OR5AR1: variants seen among roughly 807,000 people sequenced by gnomAD.
The protein encoded by OR5AR1 is olfactory receptor family 5 subfamily AR member 1.
Under a neutral mutation model 12.3 loss-of-function variants are expected in OR5AR1, and 19 were observed. The observed-to-expected ratio is 1.55, with a 90% CI of 1.08 to 2.27. OR5AR1 has a LOEUF of 2.27. OR5AR1 is among the 30% of genes most tolerant of loss of function. OR5AR1 has a pLI of 0.00. For synonymous variants in OR5AR1, 156 were observed against 138.8 expected (o/e 1.12, Z -0.87); for missense variants, 432 against 378.4 (o/e 1.14, Z -1.18).
rs371019076 is a variant in OR5AR1 at position 56,664,115 on chromosome 11, C to T, written c.430C>T (p.Leu144Phe). ...CATGTCCAAGCAGGTCTGCTTGGCT[C>T]TCATGCTGGGCTCTTACCTGGCTGG... ...TFMSKQVCLA[L>F]MLGSYLAGLV... Residue 144 changes from leucine (L) to phenylalanine (F), a missense_variant, in exon 1 of 1, where the codon CTC (leucine) becomes TTC (phenylalanine). Physicochemically the swap from Leu to Phe is conservative, Grantham distance 22 (BLOSUM62 0). Transcript: ENST00000624596. The T allele has an allele frequency of 4.6e-5, 74 of 1,613,908 alleles. No homozygotes were observed. The highest frequency in any genetic ancestry group is 6.3e-5 in the Non-Finnish European group (74 of 1,180,004).
In OR5AR1 at chr11:56,663,761, ATCT is replaced by A. The variant is rs1344207805; in HGVS notation, c.82_84del (p.Phe28del). On this transcript the variant is annotated inframe_deletion, in exon 1 of 1. Coordinates refer to ENST00000624596, the MANE Select transcript of OR5AR1 (RefSeq NM_001004730.1). ...CACCCAGGACCCTCAGATGGAGATC[ATCT>A]TCTTCGTGGTCTTCCTCATAGTTTA... The A allele has an allele frequency of 1.2e-6, 2 of 1,613,602 alleles. No homozygotes were observed. The highest frequency in any genetic ancestry group is 1.3e-5 in the African/African-American group (1 of 74,918).
In OR5AR1 at chr11:56,664,388, C is replaced by T; in HGVS notation, c.703C>T (p.Leu235Phe). The change falls in exon 1 of 1, where the codon CTT (leucine) becomes TTT (phenylalanine). Residue 235 changes from leucine (L) to phenylalanine (F), a missense_variant. Transcript: ENST00000624596. ...IIRMRSAEGR[L>F]KAFSTCGSHL... is the part of the protein sequence containing the mutation. Reference sequence around the variant, plus strand: ...CAGAATGCGTTCAGCTGAAGGCCGCCTTAAGGCTTTCTCCACCTGCGGGTC... The same window carrying T: ...CAGAATGCGTTCAGCTGAAGGCCGCTTTAAGGCTTTCTCCACCTGCGGGTC... 6.2e-7 allele frequency: 1 copy of T among 1,614,086 alleles called. No individual in the cohort carries two copies. The highest frequency in any genetic ancestry group is 8.5e-7 in the Non-Finnish European group (1 of 1,180,016).
In OR5AR1 at chr11:56,663,695, G is replaced by T. The variant is rs544065291; in HGVS notation, c.10G>T (p.Glu4Ter). The change falls in exon 1 of 1, where the codon GAA becomes TAA. Residue 4 changes from glutamate to a stop codon, truncating the protein, a stop_gained. Transcript: ENST00000624596. LOFTEE classifies it high-confidence loss of function. MDK[E>*]NSSMVTEFIF... ...ACATACACTTGAAGCAATGGATAAA[G>T]AAAACAGCTCAATGGTGACTGAGTT... is the stretch of plus-strand genomic sequence containing the variant. 8.1e-6 allele frequency: 13 copies of T among 1,604,266 alleles called. No homozygotes were observed. In the South Asian group the frequency reaches 1.3e-4, roughly 17 times the overall value.
At position 56,663,990 on chromosome 11, in the gene OR5AR1, CT is replaced by C. The variant is rs748780736; in HGVS notation, c.312del (p.Phe104LeufsTer2). The C allele has an allele frequency of 1.2e-6, 2 of 1,613,850 alleles. No homozygotes were observed. The highest frequency in any genetic ancestry group is 8.5e-7 in the Non-Finnish European group (1 of 1,179,984). On this transcript the variant is annotated frameshift_variant, in exon 1 of 1. Transcript: ENST00000624596. LOFTEE classifies it high-confidence loss of function. ...TTCTCCAGCTGTGCCACCCAGTTTG[CT>C]TTTTTTGTAGGTTTTGTGGATGCTG... ...ISFSSCATQFAFFVGFVDAEC... is the reference protein window; with the variant it reads ...ISFSSCATQFXFFVGFVDAEC...
chr11:56,664,115 C>G lies in OR5AR1; in HGVS notation c.430C>G (p.Leu144Val), dbSNP rs371019076. The G allele has an allele frequency of 9.3e-6, 15 of 1,613,908 alleles. No homozygotes were observed. The highest frequency in any genetic ancestry group is 1.6e-4 in the Middle Eastern group (1 of 6,084). The change falls in exon 1 of 1, where the codon CTC (leucine) becomes GTC (valine). Residue 144 changes from leucine (L) to valine (V), a missense_variant. By Grantham distance (32) the Leu-to-Val change is conservative. Transcript: ENST00000624596. ...TFMSKQVCLA[L>V]MLGSYLAGLV... The stretch of plus-strand genomic sequence containing the variant: ...CATGTCCAAGCAGGTCTGCTTGGCT[C>G]TCATGCTGGGCTCTTACCTGGCTGG...
chr11:56,664,254 C>G lies in OR5AR1; in HGVS notation c.569C>G (p.Ser190Ter). The change falls in exon 1 of 1, where the codon TCA becomes TGA. Residue 190 changes from serine (S) to a stop codon, truncating the protein, a stop_gained. Coordinates refer to ENST00000624596, the MANE Select transcript of OR5AR1 (RefSeq NM_001004730.1). LOFTEE classifies it high-confidence loss of function. ...EIPPLLALSC[S>*]DTYISEILLF... ...CCACCACTCTTGGCCCTCTCTTGCT[C>G]AGACACCTACATCAGTGAGATCTTG... The G allele has an allele frequency of 6.2e-7, 1 of 1,614,090 alleles. No individual in the cohort carries two copies. The highest frequency in any genetic ancestry group is 1.1e-5 in the South Asian group (1 of 91,074).
chr11:56,664,068 G>T lies in OR5AR1; in HGVS notation c.383G>T (p.Arg128Leu), dbSNP rs1056426910. ...TATGGTCGTTTTGTGGCCATTTGTC[G>T]ACCCCTCCACTATAGCACCTTCATG... is the stretch of plus-strand genomic sequence containing the variant. ...MAYGRFVAIC[R>L]PLHYSTFMSK... is the part of the protein sequence containing the mutation. Residue 128 changes from arginine (R) to leucine (L), a missense_variant, in exon 1 of 1, where the codon CGA (arginine) becomes CTA (leucine). Physicochemically the swap from Arg to Leu is moderately radical, Grantham distance 102 (BLOSUM62 -2). Transcript: ENST00000624596. 6.2e-7 allele frequency: 1 copy of T among 1,613,660 alleles called. No homozygotes were observed. Among genetic ancestry groups the T allele is most frequent in the Non-Finnish European group, 8.5e-7 (1 of 1,179,970 alleles).
chr11:56,663,886 C>G lies in OR5AR1; in HGVS notation c.201C>G (p.Ser67=), dbSNP rs778251587. The change falls in exon 1 of 1, where the codon TCC becomes TCG. Residue 67 remains serine, a synonymous_variant. Transcript: ENST00000624596. ...TGTATTTTTTCCTCTGCAACCTCTC[C>G]TTTGTTGACCTGGGCTACTCCTCAG... ...TPMYFFLCNL[S]FVDLGYSSAI... 24 of 1,614,068 alleles carry G rather than the reference C, an allele frequency of 1.5e-5. 1 individual carries two copies. In the Middle Eastern group the frequency reaches 6.6e-4, roughly 44 times the overall value.
chr11:56,664,503 G>A lies in OR5AR1; in HGVS notation c.818G>A (p.Trp273Ter), dbSNP rs780414962. Residue 273 changes from tryptophan (W) to a stop codon, truncating the protein, a stop_gained, in exon 1 of 1, where the codon TGG (tryptophan) becomes TAG (stop). Transcript: ENST00000624596. LOFTEE classifies it high-confidence loss of function. ...AGCTACTCCCTGGACCAAGACAAGT[G>A]GGCCTCTGTGTTCTACACGGTTATC... is the stretch of plus-strand genomic sequence containing the variant. ...TSSYSLDQDK[W>*]ASVFYTVIIP... 6.2e-7 allele frequency: 1 copy of A among 1,613,804 alleles called. No individual in the cohort carries two copies.
rs201920623 is a variant in OR5AR1 at position 56,664,584 on chromosome 11, C to T, written c.899C>T (p.Ala300Val). The change falls in exon 1 of 1, where the codon GCT (alanine) becomes GTT (valine). Residue 300 changes from alanine (A) to valine (V), a missense_variant. By Grantham distance (64) the Ala-to-Val change is moderately conservative. Transcript: ENST00000624596. Reference sequence around the variant, plus strand: ...TTGCGGAACAAGGATGTGAAAGCTGCTTTCAAAAAGCTAATTGGAAAAAAA... The same window carrying T: ...TTGCGGAACAAGGATGTGAAAGCTGTTTTCAAAAAGCTAATTGGAAAAAAA... Reference protein sequence around the residue: ...YSLRNKDVKAAFKKLIGKKSQ With the variant: ...YSLRNKDVKAVFKKLIGKKSQ 2.1e-5 allele frequency: 34 copies of T among 1,598,760 alleles called. 1 individual carries two copies. Among genetic ancestry groups the T allele is most frequent in the Non-Finnish European group, 1.2e-5 (14 of 1,171,570 alleles).
In OR5AR1 at chr11:56,664,385, C is replaced by T. The variant is rs754489483; in HGVS notation, c.700C>T (p.Arg234Cys). The T allele has an allele frequency of 7.0e-5, 113 of 1,613,824 alleles. No homozygotes were observed. Among genetic ancestry groups the T allele is most frequent in the Middle Eastern group, 4.9e-4 (3 of 6,084 alleles). Residue 234 changes from arginine (R) to cysteine (C), a missense_variant, in exon 1 of 1, where the codon CGC becomes TGC. Physicochemically the swap from Arg to Cys is radical, Grantham distance 180. Transcript: ENST00000624596. ...CATCAGAATGCGTTCAGCTGAAGGCCGCCTTAAGGCTTTCTCCACCTGCGG... is the reference window on the plus strand; with the variant it reads ...CATCAGAATGCGTTCAGCTGAAGGCTGCCTTAAGGCTTTCTCCACCTGCGG... The part of the protein sequence containing the change: ...AIIRMRSAEG[R>C]LKAFSTCGSH...
At position 56,664,033 on chromosome 11, in the gene OR5AR1, A is replaced by G. The variant is rs759268166; in HGVS notation, c.348A>G (p.Ala116=). 4 of 1,613,956 alleles carry G rather than the reference A, an allele frequency of 2.5e-6. No individual in the cohort carries two copies. Among genetic ancestry groups the G allele is most frequent in the Non-Finnish European group, 3.4e-6 (4 of 1,179,968 alleles). ...GFVDAECYVL[A]AMAYGRFVAI... ...TGGATGCTGAGTGCTATGTCCTGGC[A>G]GCCATGGCCTATGGTCGTTTTGTGG... The change falls in exon 1 of 1, where the codon GCA becomes GCG. Residue 116 remains alanine, a synonymous_variant. Coordinates refer to ENST00000624596, the MANE Select transcript of OR5AR1 (RefSeq NM_001004730.1).
In OR5AR1 at chr11:56,664,524, T is replaced by C. The variant is rs773610848; in HGVS notation, c.839T>C (p.Val280Ala). 4 of 1,613,920 alleles carry C rather than the reference T, an allele frequency of 2.5e-6. No individual in the cohort carries two copies. Among genetic ancestry groups the C allele is most frequent in the Non-Finnish European group, 3.4e-6 (4 of 1,179,984 alleles). ...QDKWASVFYTVIIPMLNPLIY... is the reference protein window; with the variant it reads ...QDKWASVFYTAIIPMLNPLIY... ...AAGTGGGCCTCTGTGTTCTACACGG[T>C]TATCATCCCCATGTTAAATCCCTTG... Residue 280 changes from valine (V) to alanine (A), a missense_variant, in exon 1 of 1, where the codon GTT becomes GCT. Val to Ala is a moderately conservative substitution (Grantham distance 64, BLOSUM62 0). Transcript: ENST00000624596.
At position 56,663,853 on chromosome 11, in the gene OR5AR1, C is replaced by A. The variant is rs761720643; in HGVS notation, c.168C>A (p.His56Gln). 15 of 1,614,044 alleles carry A rather than the reference C, an allele frequency of 9.3e-6. No individual in the cohort carries two copies. The South Asian group carries it at 1.6e-4, about 18-fold the overall frequency. ...IILITTDTQLHTPMYFFLCNL... is the reference protein window; with the variant it reads ...IILITTDTQLQTPMYFFLCNL... ...TGATTACAACAGACACTCAGCTTCACACACCCATGTATTTTTTCCTCTGCA... is the reference window on the plus strand; with the variant it reads ...TGATTACAACAGACACTCAGCTTCAAACACCCATGTATTTTTTCCTCTGCA... Residue 56 changes from histidine to glutamine, a missense_variant, in exon 1 of 1, where the codon CAC becomes CAA. By Grantham distance (24) the His-to-Gln change is conservative. Coordinates refer to ENST00000624596, the MANE Select transcript of OR5AR1 (RefSeq NM_001004730.1).
At position 56,663,888 on chromosome 11, in the gene OR5AR1, T is replaced by A; in HGVS notation, c.203T>A (p.Phe68Tyr). Residue 68 changes from phenylalanine to tyrosine, a missense_variant, in exon 1 of 1, where the codon TTT becomes TAT. Physicochemically the swap from Phe to Tyr is conservative, Grantham distance 22. Transcript: ENST00000624596. ...PMYFFLCNLS[F>Y]VDLGYSSAIA... ...TATTTTTTCCTCTGCAACCTCTCCT[T>A]TGTTGACCTGGGCTACTCCTCAGCC... The A allele has an allele frequency of 1.9e-6, 3 of 1,614,042 alleles. No homozygotes were observed. Among genetic ancestry groups the A allele is most frequent in the South Asian group, 1.1e-5 (1 of 91,064 alleles).
Position 56,664,433 on chromosome 11 carries a change from C to G in OR5AR1, c.748C>G (p.Leu250Val). 1.2e-6 allele frequency: 2 copies of G among 1,614,164 alleles called. No individual in the cohort carries two copies. Among genetic ancestry groups the G allele is most frequent in the Non-Finnish European group, 1.7e-6 (2 of 1,180,042 alleles). ...CGGGTCTCACCTTACTGGCATCACCCTCTTCTATGGCACAGTCATGTTTAT... is the reference window on the plus strand; with the variant it reads ...CGGGTCTCACCTTACTGGCATCACCGTCTTCTATGGCACAGTCATGTTTAT... The part of the protein sequence containing the change: ...TCGSHLTGIT[L>V]FYGTVMFMYL... Residue 250 changes from leucine to valine, a missense_variant, in exon 1 of 1, where the codon CTC (leucine) becomes GTC (valine). Transcript: ENST00000624596.
chr11:56,664,593 A>C lies in OR5AR1; in HGVS notation c.908A>C (p.Lys303Thr). Residue 303 changes from lysine to threonine, a missense_variant, in exon 1 of 1, where the codon AAG (lysine) becomes ACG (threonine). By Grantham distance (78) the Lys-to-Thr change is moderately conservative. Transcript: ENST00000624596. ...RNKDVKAAFK[K>T]LIGKKSQ ...AAGGATGTGAAAGCTGCTTTCAAAA[A>C]GCTAATTGGAAAAAAATCTCAATAA... 6.3e-7 allele frequency: 1 copy of C among 1,596,968 alleles called. No individual in the cohort carries two copies. The highest frequency in any genetic ancestry group is 8.5e-7 in the Non-Finnish European group (1 of 1,169,596).
chr11:56,663,941 C>A lies in OR5AR1; in HGVS notation c.256C>A (p.Leu86Ile), dbSNP rs1208463656. The change falls in exon 1 of 1, where the codon CTA becomes ATA. Residue 86 changes from leucine to isoleucine, a missense_variant. By Grantham distance (5) the Leu-to-Ile change is conservative. Transcript: ENST00000624596. ...TGCCCCCAGGATGCTGGCTGACTTC[C>A]TAACAAATCACAAAGTTATCTCCTT... ...AIAPRMLADF[L>I]TNHKVISFSS... The A allele has an allele frequency of 2.5e-6, 4 of 1,614,144 alleles. No homozygotes were observed. The highest frequency in any genetic ancestry group is 1.3e-5 in the African/African-American group (1 of 75,056).
chr11:56,664,277 T>C lies in OR5AR1; in HGVS notation c.592T>C (p.Leu198=), dbSNP rs1857217838. 1 of 1,614,124 alleles carries C rather than the reference T, an allele frequency of 6.2e-7. No homozygotes were observed. The change falls in exon 1 of 1, where the codon TTG becomes CTG. Residue 198 remains leucine (L), a synonymous_variant. Transcript: ENST00000624596. ...CTCAGACACCTACATCAGTGAGATC[T>C]TGCTCTTCAGTCTGTGTGGCTTCAT... ...SCSDTYISEI[L]LFSLCGFIEF... is the part of the protein sequence containing the mutation.
Sources: gnomAD v4.1 joint callset for allele counts on GRCh38, gnomAD v4.1.1 for gene constraint, MANE v1.5 for transcripts, NCBI Gene and HGNC (gene_info 2026-07-23, HGNC 2026-07-21) for gene names.